The following TRPM3 variants were observed in gnomAD, a reference collection of about 807,000 sequenced individuals.
TRPM3 encodes transient receptor potential cation channel subfamily M member 3, also known as long transient receptor potential channel 3.
TRPM3 carries 77 observed loss-of-function variants against 181.2 expected under a neutral mutation model. That is an observed-to-expected ratio of 0.42 (90% CI 0.35 to 0.51). TRPM3 has a LOEUF of 0.51. Ranked by LOEUF, TRPM3 falls within the 20% of genes least tolerant of loss-of-function variation. The probability of loss-of-function intolerance (pLI) is 0.01; values close to 1 mark genes in which losing one functional copy is unlikely to be tolerated. For synonymous variants in TRPM3, 745 were observed against 796.4 expected, an observed-to-expected ratio of 0.94 and a Z score of 1.09; for missense variants, 1,759 against 2,196.7, an observed-to-expected ratio of 0.80 and a Z score of 3.98.
chr9:70,778,012 CAA>C (rs61425176), intron 7 of TRPM3, among the ~76,000 whole-genome samples: 2 of 151,226 alleles, frequency 1.3e-5, no homozygotes, highest in East Asian at 3.9e-4. Flanking sequence ...CACACACACA[CAA>C]AACACTGCCA....
At chr9:71,197,027 C>T (rs1236053216) in intron 1 of TRPM3, among the ~76,000 whole-genome samples, 1 of 152,158 alleles carries the variant, frequency 6.6e-6, no homozygotes, top group African/African-American at 2.4e-5. Flanking sequence ...CGACTTCCCA[C>T]ACCCCACAAG....
Position 70,529,677 on chromosome 9 carries a change from G to A in TRPM3, c.*6276C>T, listed in dbSNP as rs1224783823. ...GAACAAGAGTAACTCTGAATAAGGC[G>A]AGTTTCTTTTCCCCCCTCTCGGTTC... On this transcript the variant is annotated 3_prime_UTR_variant, in exon 26 of 26. Coordinates refer to ENST00000677713, the MANE Select transcript of TRPM3 (RefSeq NM_001366145.2). 1 of 152,110 alleles carries A rather than the reference G, an allele frequency of 6.6e-6. No individual in the cohort carries two copies. The highest frequency in any genetic ancestry group is 1.5e-5 in the Non-Finnish European group (1 of 68,032). The allele number at this position is 152,110 out of a possible 1,614,324, so 9.4% of individuals were successfully genotyped here. A position where few individuals can be genotyped will look rare whatever the true frequency, so the allele number is the denominator to read the frequency against.
intron 1 of TRPM3, among the ~76,000 whole-genome samples, chr9:71,321,661 G>A (rs1008711614): frequency 6.6e-6 from 1 of 152,210 alleles, no homozygotes; most frequent in African/African-American, 2.4e-5. Context: ...TCTGTGAGAT[G>A]AACTTCCTGG....
chr9:71,125,789 A>G (rs756501929), upstream of TRPM3, among the ~76,000 whole-genome samples: 1 of 152,234 alleles, frequency 6.6e-6, no homozygotes, highest in Non-Finnish European at 1.5e-5. Context: ...TCTAGACAAT[A>G]CCATTTAGGA....
intron 1 of TRPM3, among the ~76,000 whole-genome samples, chr9:71,059,427 A>G (rs1291473603): frequency 6.6e-6 from 1 of 151,964 alleles, no homozygotes; most frequent in African/African-American, 2.4e-5. Context: ...CCTGGGTTGG[A>G]CCCCGATCAG....
intron 1 of TRPM3, among the ~76,000 whole-genome samples, chr9:71,304,959 T>A (rs932330679): frequency 1.3e-5 from 2 of 152,176 alleles, no homozygotes; most frequent in Admixed American, 6.5e-5. Flanking sequence ...AGTTGAACAT[T>A]TTTTAGTAGG....
At chr9:70,928,168 T>C (rs1453325295) in intron 1 of TRPM3, among the ~76,000 whole-genome samples, 1 of 152,142 alleles carries the variant, frequency 6.6e-6, no homozygotes, top group Admixed American at 6.5e-5. Flanking sequence ...ACTTATGAAG[T>C]GGGTGACATT....
intron 1 of TRPM3, among the ~76,000 whole-genome samples, chr9:71,220,510 T>C (rs1432106730): frequency 6.6e-6 from 1 of 152,062 alleles, no homozygotes; most frequent in Non-Finnish European, 1.5e-5. Context: ...TCTTAGTTCT[T>C]ATCCTATTTT....
At chr9:71,372,552 G>C (rs1025516154) in intron 1 of TRPM3, among the ~76,000 whole-genome samples, 2 of 152,124 alleles carry the variant, frequency 1.3e-5, no homozygotes, top group Admixed American at 6.5e-5. Flanking sequence ...CATTCTGACT[G>C]GCATGAGATG....
intron 1 of TRPM3, among the ~76,000 whole-genome samples, chr9:71,388,157 T>C (rs1404118923): frequency 6.6e-6 from 1 of 152,160 alleles, no homozygotes; most frequent in East Asian, 1.9e-4. Flanking sequence ...CGACCAGTTA[T>C]ATGATGAGCT....
intron 8 of TRPM3, among the ~76,000 whole-genome samples, chr9:70,695,428 C>A (rs946394078): frequency 1.3e-5 from 2 of 152,184 alleles, no homozygotes; most frequent in Admixed American, 6.5e-5. Context: ...CTGTCCCTGG[C>A]GTGTTTCCTG....
At chr9:71,257,136 T>C (rs1167115411) in intron 1 of TRPM3, among the ~76,000 whole-genome samples, 1 of 152,160 alleles carries the variant, frequency 6.6e-6, no homozygotes, top group Non-Finnish European at 1.5e-5. Flanking sequence ...TGCTTTAAAG[T>C]TATCCTTCTA....
chr9:70,691,752 A>AAATT (rs2068643554), intron 8 of TRPM3, among the ~76,000 whole-genome samples: 1 of 152,212 alleles, frequency 6.6e-6, no homozygotes, highest in Non-Finnish European at 1.5e-5. Flanking sequence ...TTATCATTAA[A>AAATT]AATTATAGAA....
chr9:70,752,016 G>GTGTGTGTGTGTGTGTGTGTGTGTGTT (rs2076230441), intron 8 of TRPM3, among the ~76,000 whole-genome samples: 2 of 116,132 alleles, frequency 1.7e-5, no homozygotes, highest in African/African-American at 6.3e-5. Context: ...GTGTGTGTGT[G>GTGTGTGTGTGTGTGTGTGTGTGTGTT]TGTGTGTGTG....
rs147927756 is a variant in TRPM3, at chr9:70,656,809, C to T, written c.1346-16149G>A. On this transcript the variant is annotated intron_variant, in intron 9 of 25. Transcript: ENST00000677713. ...ACATTCTTTCTAAAAAAATGTGTGT[C>T]CTTTCTAAAAAGGTGAACAATTTTT... Among the ~76,000 whole-genome samples the T allele has an allele frequency of 3.9e-4, 59 of 151,906 alleles. 1 individual carries two copies. Among genetic ancestry groups the T allele is most frequent in the African/African-American group, 1.3e-3 (54 of 41,464 alleles).
intron 1 of TRPM3, among the ~76,000 whole-genome samples, chr9:70,879,693 T>G (rs1157508341): frequency 6.6e-6 from 1 of 152,016 alleles, no homozygotes; most frequent in Non-Finnish European, 1.5e-5. Flanking sequence ...AAAAATAGAG[T>G]AGTTAGCTGT....
intron 1 of TRPM3, among the ~76,000 whole-genome samples, chr9:71,065,193 C>T (rs1240028052): frequency 6.6e-6 from 1 of 152,082 alleles, no homozygotes; most frequent in African/African-American, 2.4e-5. Flanking sequence ...AGGTAATAGA[C>T]ACTTAAGAAC....
At chr9:71,066,626 C>G (rs1209975778) in intron 1 of TRPM3, among the ~76,000 whole-genome samples, 1 of 152,136 alleles carries the variant, frequency 6.6e-6, no homozygotes, top group Non-Finnish European at 1.5e-5. Flanking sequence ...TTTCATGTTG[C>G]TGTATAATTA....
In TRPM3 at chr9:70,833,913, G is replaced by A. The variant is rs187448549; in HGVS notation, c.802-5895C>T. On this transcript the variant is annotated intron_variant, in intron 5 of 25. Coordinates refer to ENST00000677713, the MANE Select transcript of TRPM3 (RefSeq NM_001366145.2). ...TCACGCATCTGTTTCTGGGAGGGAA[G>A]ATGGGATACCACTGAGAAGTGGGAA... Among the ~76,000 whole-genome samples, 217 of 152,232 alleles carry A rather than the reference G, an allele frequency of 1.4e-3. 3 individuals are homozygous for A. The highest frequency in any genetic ancestry group is 1.5e-4 in the Non-Finnish European group (10 of 68,020).
Sources: gnomAD v4.1 joint callset for allele counts (sites outside exome capture counted in the v4.1 genomes callset) on GRCh38, gnomAD v4.1.1 for gene constraint, MANE v1.5 for transcripts, NCBI Gene and HGNC (gene_info 2026-07-23, HGNC 2026-07-21) for gene names.